Variants in TULP4 observed in about 807,000 individuals in gnomAD.
TULP4 encodes TUB like protein 4, also known as tubby-related protein 4.
A neutral mutation model predicts 129.0 loss-of-function variants in TULP4; 16 were observed. That is an observed-to-expected ratio of 0.12 (90% CI 0.08 to 0.19). The LOEUF (loss-of-function observed/expected upper bound fraction) is 0.19. TULP4 is among the 10% of genes least tolerant of loss of function. The probability of loss-of-function intolerance (pLI) is 1.00; values close to 1 mark genes in which losing one functional copy is unlikely to be tolerated. For synonymous variants in TULP4, 998 were observed against 854.0 expected (o/e 1.17, Z -2.94); for missense variants, 1,842 against 2,059.1 (o/e 0.89, Z 2.04).
intron 1 of TULP4, among the ~76,000 whole-genome samples, chr6:158,366,970 A>G (rs1344658426): frequency 1.3e-5 from 2 of 152,202 alleles, no homozygotes; most frequent in Non-Finnish European, 2.9e-5. Context: ...GAAGATGTCC[A>G]AAGTATTGTG....
intron 1 of TULP4, among the ~76,000 whole-genome samples, chr6:158,254,199 A>T (rs1009888990): frequency 6.6e-6 from 1 of 151,772 alleles, no homozygotes; most frequent in East Asian, 2.0e-4. Flanking sequence ...CTGGAGTGCA[A>T]TGGCATGATC....
At chr6:158,485,350 A>C (rs1224382924) in intron 8 of TULP4, among the ~76,000 whole-genome samples, 2 of 152,248 alleles carry the variant, frequency 1.3e-5, no homozygotes, top group Non-Finnish European at 2.9e-5. Context: ...GCAAAAAATA[A>C]GTATTAAGTA....
At chr6:158,248,794 G>A (rs1169116139) in intron 1 of TULP4, among the ~76,000 whole-genome samples, 1 of 152,060 alleles carries the variant, frequency 6.6e-6, no homozygotes, top group Non-Finnish European at 1.5e-5. Context: ...AGTGATGCCT[G>A]GATTTAATGT....
rs549310511 is a variant in TULP4 at position 158,453,422 on chromosome 6, T to C, written c.859+1154T>C. 1.7e-4 allele frequency among the ~76,000 whole-genome samples: 22 copies of C among 131,048 alleles called. 1 individual carries two copies. Among genetic ancestry groups the C allele is most frequent in the African/African-American group, 6.2e-4 (21 of 33,722 alleles). The allele number at this position is 131,048 out of a possible 152,430, so 86.0% of individuals were successfully genotyped here. On this transcript the variant is annotated intron_variant, in intron 5 of 13. Transcript: ENST00000367097. Reference sequence around the variant, plus strand: ...TGGCATGAACCCGAGAGGCAGAGCTTGCAGTAAGCCGAGATCACGCCACTG... The same window carrying C: ...TGGCATGAACCCGAGAGGCAGAGCTCGCAGTAAGCCGAGATCACGCCACTG...
intron 1 of TULP4, among the ~76,000 whole-genome samples, chr6:158,267,296 A>G (rs1778462901): frequency 6.6e-6 from 1 of 152,202 alleles, no homozygotes; most frequent in Non-Finnish European, 1.5e-5. Flanking sequence ...TTGAAGACAT[A>G]ATAGGCCATC....
chr6:158,503,257 C>G lies in TULP4; in HGVS notation c.3594C>G (p.Pro1198=). 6.2e-7 allele frequency: 1 copy of G among 1,614,032 alleles called. No homozygotes were observed. Among genetic ancestry groups the G allele is most frequent in the Admixed American group, 1.7e-5 (1 of 60,024 alleles). Residue 1198 remains proline, a synonymous_variant, in exon 13 of 14, where the codon CCC becomes CCG. Transcript: ENST00000367097. This position sits in a 1 kb window ranked among gnomAD's most constrained non-coding sequence, Gnocchi z 4.3. ...CATATCCAGGAAGCTATAACAACCCCCCTTTGCCTGGAGTGCAGGCTCCCT... is the reference window on the plus strand; with the variant it reads ...CATATCCAGGAAGCTATAACAACCCGCCTTTGCCTGGAGTGCAGGCTCCCT... ...GVPYPGSYNN[P]PLPGVQAPCS... is the part of the protein sequence containing the mutation.
At chr6:158,409,061 C>A (rs1778028350) in intron 1 of TULP4, among the ~76,000 whole-genome samples, 1 of 152,016 alleles carries the variant, frequency 6.6e-6, no homozygotes, top group African/African-American at 2.4e-5. Flanking sequence ...CTATCAACAC[C>A]CTTTGGAGGG....
At chr6:158,408,732 G>A (rs1489133798) in intron 1 of TULP4, among the ~76,000 whole-genome samples, 2 of 152,194 alleles carry the variant, frequency 1.3e-5, no homozygotes, top group Non-Finnish European at 2.9e-5. Flanking sequence ...CATCTCTGGG[G>A]GCAGCAGTCT....
chr6:158,293,228 T>C (rs1401117368), intron 1 of TULP4, among the ~76,000 whole-genome samples: 12 of 152,222 alleles, frequency 7.9e-5, no homozygotes, highest in African/African-American at 2.9e-4. Context: ...TCTTTGTGAT[T>C]CTCTGAACTT....
At chr6:158,273,279 CTG>C (rs1030359789) in intron 1 of TULP4, among the ~76,000 whole-genome samples, 1 of 152,198 alleles carries the variant, frequency 6.6e-6, no homozygotes, top group African/African-American at 2.4e-5. Flanking sequence ...ACTCCCCTCT[CTG>C]TTGGTTTCCT....
rs1317532812 is a variant in TULP4 at position 158,502,021 on chromosome 6, C to T, written c.2358C>T (p.Ser786=). Residue 786 remains serine (S), a synonymous_variant, in exon 13 of 14, where the codon TCC becomes TCT. Coordinates refer to ENST00000367097, the MANE Select transcript of TULP4 (RefSeq NM_020245.5). ...PPPPQGPMQL[S]TVGHGDRDHE... ...CGCCGCAGGGGCCCATGCAGCTGTC[C>T]ACGGTGGGCCATGGAGACCGAGACC... 2 of 1,613,828 alleles carry T rather than the reference C, an allele frequency of 1.2e-6. No homozygotes were observed.
intron 1 of TULP4, among the ~76,000 whole-genome samples, chr6:158,273,090 C>A (rs931684910): frequency 2.0e-5 from 3 of 152,178 alleles, no homozygotes; most frequent in African/African-American, 7.2e-5. Context: ...AGAGTTTTTC[C>A]CATTGTACTA....
At chr6:158,423,945 C>G (rs968583765) in intron 2 of TULP4, among the ~76,000 whole-genome samples, 3 of 151,742 alleles carry the variant, frequency 2.0e-5, no homozygotes, top group Non-Finnish European at 4.4e-5. Flanking sequence ...TGGCCAACTT[C>G]TTCTCTTTGG....
chr6:158,404,187 T>C (rs535245856), intron 1 of TULP4, among the ~76,000 whole-genome samples: 152 of 152,344 alleles, frequency 1.0e-3, no homozygotes, highest in African/African-American at 3.5e-3. Flanking sequence ...GAATGTCTAC[T>C]GCAATACAGA....
chr6:158,421,934 AT>A lies in TULP4; in HGVS notation c.382-7799del, dbSNP rs563935881. Reference sequence around the variant, plus strand: ...ATTTGGGCAAGGTAAAAGAATAAGAATTTAGTCCTTCATTGTATACCGGAAT... The same window carrying A: ...ATTTGGGCAAGGTAAAAGAATAAGAATTAGTCCTTCATTGTATACCGGAAT... On this transcript the variant is annotated intron_variant, in intron 2 of 13. Transcript: ENST00000367097. Among the ~76,000 whole-genome samples, 6 of 152,328 alleles carry A rather than the reference AT, an allele frequency of 3.9e-5. No individual in the cohort carries two copies. The South Asian group carries it at 1.2e-3, about 32-fold the overall frequency.
intron 8 of TULP4, among the ~76,000 whole-genome samples, chr6:158,486,551 C>CA (rs150272102): frequency 0.071 from 10,657 of 149,968 alleles, 478 homozygotes; most frequent in Middle Eastern, 0.12. Flanking sequence ...AGACTCGTCT[C>CA]AAAAAAAAAG....
intron 1 of TULP4, among the ~76,000 whole-genome samples, chr6:158,338,655 C>T (rs2114743474): frequency 6.6e-6 from 1 of 152,180 alleles, no homozygotes; most frequent in East Asian, 1.9e-4. Context: ...TATGTTGCAC[C>T]TGCAGTGGGG....
intron 2 of TULP4, among the ~76,000 whole-genome samples, chr6:158,418,241 G>A (rs341151): frequency 0.24 from 36,428 of 151,204 alleles, 5,642 homozygotes; most frequent in Non-Finnish European, 0.35. Flanking sequence ...TAAGTAGCTG[G>A]GATTACAGGC....
intron 1 of TULP4, among the ~76,000 whole-genome samples, chr6:158,391,830 T>TA (rs1583827912): frequency 1.1e-5 from 1 of 93,798 alleles, no homozygotes; most frequent in Admixed American, 9.7e-5. Context: ...CACCTAATGT[T>TA]ACCTCTAGTG....
Sources: gnomAD v4.1 joint callset for allele counts (sites outside exome capture counted in the v4.1 genomes callset) on GRCh38, gnomAD v4.1.1 for gene constraint, Gnocchi (gnomAD v3.1) non-coding constraint, MANE v1.5 for transcripts, NCBI Gene and HGNC (gene_info 2026-07-23, HGNC 2026-07-21) for gene names.